The following FANCA variants were observed in gnomAD, a reference collection of about 807,000 sequenced individuals.
FANCA encodes Fanconi anemia group A protein.
In FANCA, 236 loss-of-function variants were observed where a neutral mutation model predicts 194.3. That is an observed-to-expected ratio of 1.21 (90% CI 1.09 to 1.35). The LOEUF is 1.35. Among genes scored for constraint, FANCA ranks in the 40% most tolerant of loss-of-function variants. The pLI is 0.00. For missense variants in FANCA, 2,628 were observed against 1,813.9 expected, an observed-to-expected ratio of 1.45 and a Z score of -8.15; for synonymous variants, 1,014 against 715.8, an observed-to-expected ratio of 1.42 and a Z score of -6.65.
At chr16:89,790,858 C>T (rs897671213) in intron 14 of FANCA, among the ~76,000 whole-genome samples, 3 of 151,798 alleles carry the variant, frequency 2.0e-5, no homozygotes, top group Middle Eastern at 3.2e-3. Flanking sequence ...GGGATGGAGT[C>T]TCCTTCTGTC....
rs753699469 is a variant in FANCA at position 89,752,191 on chromosome 16, C to T, written c.3013G>A (p.Asp1005Asn). The T allele has an allele frequency of 1.2e-6, 2 of 1,614,114 alleles. No homozygotes were observed. The highest frequency in any genetic ancestry group is 2.2e-5 in the South Asian group (2 of 91,084). The stretch of plus-strand genomic sequence containing the variant: ...CCTGTGCGGCCACCAAAGACCAAAT[C>T]AGAATTTTCTGAGTGGTCATAACTC... ...SRSYDHSENS[D>N]LVFGGRTGNE... The change falls in exon 31 of 43, where the codon GAT becomes AAT. Residue 1005 changes from aspartate to asparagine, a missense_variant. By Grantham distance (23) the Asp-to-Asn change is conservative. Coordinates refer to ENST00000389301, the MANE Select transcript of FANCA (RefSeq NM_000135.4).
In FANCA at chr16:89,769,996, A is replaced by C. The variant is rs747315724; in HGVS notation, c.2345T>G (p.Leu782Arg). 2 of 1,613,910 alleles carry C rather than the reference A, an allele frequency of 1.2e-6. No homozygotes were observed. The highest frequency in any genetic ancestry group is 2.7e-5 in the African/African-American group (2 of 75,074). The change falls in exon 26 of 43, where the codon CTG becomes CGG. Residue 782 changes from leucine (L) to arginine (R), a missense_variant. Leu to Arg is a moderately radical substitution (Grantham distance 102, BLOSUM62 -2). Transcript: ENST00000389301. ...QGPSLSAPHV[L>R]GLAALAVHLG... Reference sequence around the variant, plus strand: ...GTGCACGGCCAGGGCAGCCAACCCCAGCACATGTGGGGCACTCAGGCTCGG... The same window carrying C: ...GTGCACGGCCAGGGCAGCCAACCCCCGCACATGTGGGGCACTCAGGCTCGG...
intron 14 of FANCA, among the ~76,000 whole-genome samples, chr16:89,788,569 C>G (rs1476761): frequency 0.47 from 72,095 of 152,088 alleles, 19,873 homozygotes; most frequent in East Asian, 0.77. Flanking sequence ...GGTTAAGGTG[C>G]GGGGATCGCA....
chr16:89,773,968 A>C (rs780670706), intron 21 of FANCA, among the ~76,000 whole-genome samples: 1 of 151,910 alleles, frequency 6.6e-6, no homozygotes, highest in African/African-American at 2.4e-5. Context: ...ACGGGATTTC[A>C]CCACGTTGGC....
intron 14 of FANCA, among the ~76,000 whole-genome samples, chr16:89,789,441 T>TC (rs1303136222): frequency 6.8e-6 from 1 of 146,328 alleles, no homozygotes; most frequent in Non-Finnish European, 1.5e-5. Context: ...CAATACTTTT[T>TC]TTTTTTTTTT....
intron 1 of FANCA, 78 bp from the exon 2 acceptor site, chr16:89,816,064 C>A (rs762191148): frequency 9.0e-7 from 1 of 1,115,460 alleles, no homozygotes; most frequent in African/African-American, 1.5e-5. Flanking sequence ...CAGGTGGACG[C>A]CGCGGAGAAA....
At position 89,738,545 on chromosome 16, in the gene FANCA, T is replaced by C. The variant is rs916052051; in HGVS notation, c.*56A>G. 4 of 1,610,202 alleles carry C rather than the reference T, an allele frequency of 2.5e-6. No individual in the cohort carries two copies. The African/African-American group carries it at 4.0e-5, about 16-fold the overall frequency. ...TTAGTGCAACAAGAGCTCCATGTTA[T>C]GCTTGTAATAAATTATTTACACGGG... On this transcript the variant is annotated 3_prime_UTR_variant, in exon 43 of 43. Coordinates refer to ENST00000389301, the MANE Select transcript of FANCA (RefSeq NM_000135.4).
At chr16:89,759,021 G>A (rs1240497898) in intron 29 of FANCA, among the ~76,000 whole-genome samples, 1 of 152,066 alleles carries the variant, frequency 6.6e-6, no homozygotes, top group Admixed American at 6.6e-5. Context: ...GAATAGGCAA[G>A]CACAAAAATG....
chr16:89,771,905 G>T lies in FANCA; in HGVS notation c.2015-91C>A, dbSNP rs548683876. On this transcript the variant is annotated intron_variant, in intron 22 of 42. Transcript: ENST00000389301. The stretch of plus-strand genomic sequence containing the variant: ...GAGAGCTCCGCCTCCCGTCAAGTAC[G>T]ATTCCACGGATCCTGCTGACTGCAC... 36 of 1,433,888 alleles carry T rather than the reference G, an allele frequency of 2.5e-5. No individual in the cohort carries two copies. In the African/African-American group the frequency reaches 3.1e-4, roughly 12 times the overall value. 88.8% of individuals were successfully genotyped at this position (1,433,888 alleles called of 1,614,324 possible). A position where few individuals can be genotyped will look rare whatever the true frequency, so the allele number is the denominator to read the frequency against.
chr16:89,750,208 G>A (rs541797760), intron 31 of FANCA, among the ~76,000 whole-genome samples: 5 of 152,238 alleles, frequency 3.3e-5, no homozygotes, highest in African/African-American at 4.8e-5. Flanking sequence ...ACAGCTGGGC[G>A]TGGTGGCTCA....
At chr16:89,814,681 G>T in intron 2 of FANCA, 68 bp from the exon 3 acceptor site, 2 of 1,136,928 alleles carry the variant, frequency 1.8e-6, no homozygotes, top group Middle Eastern at 2.0e-4. Context: ...AGTGGCTCAC[G>T]CCTGTAATCC....
chr16:89,816,571 T>A lies in FANCA; in HGVS notation c.45A>T (p.Pro15=). 1 of 1,516,586 alleles carries A rather than the reference T, an allele frequency of 6.6e-7. No individual in the cohort carries two copies. The highest frequency in any genetic ancestry group is 8.8e-7 in the Non-Finnish European group (1 of 1,140,436). 93.9% of individuals were successfully genotyped at this position (1,516,586 alleles called of 1,614,324 possible). ...CGGCCCAGGCCCTCCGGCGGCCCCC[T>A]GGGTCCTGGCCCGAGGCGGAGTTCG... ...WVPNSASGQD[P]GGRRRAWAEL... Residue 15 remains proline, a synonymous_variant, in exon 1 of 43, where the codon CCA becomes CCT. Transcript: ENST00000389301.
chr16:89,766,948 C>A (rs552377521), intron 27 of FANCA, among the ~76,000 whole-genome samples, 193 bp downstream of exon 27: 1 of 152,216 alleles, frequency 6.6e-6, no homozygotes, highest in Non-Finnish European at 1.5e-5. Flanking sequence ...AGCAGTCAGG[C>A]TGCCTAAGCA....
At chr16:89,811,518 C>T (rs2143684510) in intron 3 of FANCA, among the ~76,000 whole-genome samples, 1 of 152,248 alleles carries the variant, frequency 6.6e-6, no homozygotes, top group South Asian at 2.1e-4. Flanking sequence ...TCCCAACATT[C>T]TGCCATGCAC....
chr16:89,792,116 G>A, intron 12 of FANCA, 48 bp from the exon 13 acceptor site: 1 of 1,612,344 alleles, frequency 6.2e-7, no homozygotes, highest in Non-Finnish European at 8.5e-7. Flanking sequence ...AAACCAATGT[G>A]CGACAGATGA....
chr16:89,760,849 T>C (rs1455653528), intron 29 of FANCA, among the ~76,000 whole-genome samples: 2 of 152,148 alleles, frequency 1.3e-5, no homozygotes, highest in East Asian at 1.9e-4. Context: ...CCAGGGCTCA[T>C]TCCTACCTTT....
Position 89,748,744 on chromosome 16 carries a change from G to A in FANCA, c.3263C>T (p.Ser1088Phe), listed in dbSNP as rs17233497. Residue 1088 changes from serine to phenylalanine, a missense_variant, in exon 33 of 43, where the codon TCT becomes TTT. Ser to Phe is a radical substitution (Grantham distance 155). Transcript: ENST00000389301. The stretch of plus-strand genomic sequence containing the variant: ...CTGGAAGCTGCTGCCGCAGAGGACA[G>A]ACGAAGGCAGGCGGAGGAGGATCCT... ...YKRILLRLPS[S>F]VLCGSSFQAE... is the part of the protein sequence containing the mutation. 116,376 of 1,613,668 alleles carry A rather than the reference G, an allele frequency of 0.072. 4,838 individuals carry two copies. Among genetic ancestry groups the A allele is most frequent in the Non-Finnish European group, 0.086 (101,791 of 1,179,678 alleles).
chr16:89,748,222 C>T (rs567673058), intron 33 of FANCA, among the ~76,000 whole-genome samples: 20 of 152,324 alleles, frequency 1.3e-4, no homozygotes, highest in Admixed American at 1.2e-3. Context: ...TTAAGATCAC[C>T]CTGCAACTCA....
At chr16:89,792,806 C>T in intron 11 of FANCA, 2 of 424,040 alleles carry the variant, frequency 4.7e-6, no homozygotes, top group South Asian at 4.0e-5. Context: ...GCAAAAGGGG[C>T]AGGGTAAAGA....
Sources: gnomAD v4.1 joint callset for allele counts (sites outside exome capture counted in the v4.1 genomes callset) on GRCh38, gnomAD v4.1.1 for gene constraint, MANE v1.5 for transcripts, NCBI Gene and HGNC (gene_info 2026-07-23, HGNC 2026-07-21) for gene names.